PDE8B: variants seen among roughly 807,000 people sequenced by gnomAD.
PDE8B encodes high affinity cAMP-specific and IBMX-insensitive 3',5'-cyclic phosphodiesterase 8B.
PDE8B carries 26 observed loss-of-function variants against 101.3 expected under a neutral mutation model. The ratio of observed to expected loss-of-function variants is 0.26; its 90% CI spans 0.19 to 0.36. The LOEUF (loss-of-function observed/expected upper bound fraction) is 0.36. PDE8B is among the 10% of genes least tolerant of loss of function. The pLI is 1.00. For missense variants in PDE8B, 810 were observed against 1,163.1 expected, an observed-to-expected ratio of 0.70 and a Z score of 4.42; for synonymous variants, 424 against 429.3, an observed-to-expected ratio of 0.99 and a Z score of 0.15.
chr5:77,190,984 G>A, the PDE8B span, among the ~76,000 whole-genome samples: 1 of 152,192 alleles, frequency 6.6e-6, no homozygotes, highest in South Asian at 2.1e-4. Flanking sequence ...CAGTTCAGAA[G>A]GTTAGAAGTC....
the PDE8B span, among the ~76,000 whole-genome samples, chr5:77,168,087 A>G: frequency 2.0e-5 from 3 of 152,324 alleles, no homozygotes; most frequent in Admixed American, 6.5e-5. Context: ...CTCTGTTGGG[A>G]ACCAAGTGAT....
At chr5:77,093,723 A>G in the PDE8B span, among the ~76,000 whole-genome samples, 1 of 152,190 alleles carries the variant, frequency 6.6e-6, no homozygotes, top group African/African-American at 2.4e-5. Flanking sequence ...AAACAGATGC[A>G]TAAACTTCAT....
chr5:77,198,798 T>G, the PDE8B span, among the ~76,000 whole-genome samples: 4 of 152,094 alleles, frequency 2.6e-5, no homozygotes, highest in Admixed American at 2.6e-4. Context: ...AGGTTGCCAT[T>G]TCTGAAAATG....
rs182879149 is a variant in PDE8B, at chr5:77,292,762, A to G, written c.340-19232A>G. Among the ~76,000 whole-genome samples, 93 of 152,348 alleles carry G rather than the reference A, an allele frequency of 6.1e-4. 1 individual carries two copies. In the East Asian group the frequency reaches 0.017, roughly 28 times the overall value. The stretch of plus-strand genomic sequence containing the variant: ...AGTAGAGATTCAAAAAACTCTAATA[A>G]GGATGCCAATCCCTTTACTATCATA... On this transcript the variant is annotated intron_variant, in intron 1 of 21. Transcript: ENST00000264917.
intron 9 of PDE8B, 85 bp downstream of exon 9, chr5:77,351,238 C>A: frequency 2.0e-6 from 2 of 979,788 alleles, no homozygotes; most frequent in Non-Finnish European, 3.3e-6. Context: ...CCAGTATGAG[C>A]CTTACATCCA....
the PDE8B span, among the ~76,000 whole-genome samples, chr5:77,103,759 A>C: frequency 2.0e-5 from 3 of 152,196 alleles, no homozygotes; most frequent in African/African-American, 7.2e-5. Flanking sequence ...GACATCCTGC[A>C]TCTTGGATTC....
the PDE8B span, among the ~76,000 whole-genome samples, chr5:77,116,229 T>A: frequency 6.2e-3 from 234 of 37,484 alleles, no homozygotes; most frequent in African/African-American, 0.017. Flanking sequence ...TATATATTTT[T>A]TTTTTTTTTT....
chr5:77,291,371 C>G lies in PDE8B; in HGVS notation c.340-20623C>G, dbSNP rs921428585. 1.2e-5 allele frequency: 20 copies of G among 1,611,862 alleles called. No homozygotes were observed. In the Admixed American group the frequency reaches 3.2e-4, roughly 26 times the overall value. ...CAAAGAAAGAAGGTAGCACAGTGGT[C>G]TATGGGGGCAAGGTTATGGATCGCC... On this transcript the variant is annotated intron_variant, in intron 1 of 21. Coordinates refer to ENST00000264917, the MANE Select transcript of PDE8B (RefSeq NM_003719.5).
At chr5:77,107,863 G>A in the PDE8B span, among the ~76,000 whole-genome samples, 2 of 152,038 alleles carry the variant, frequency 1.3e-5, no homozygotes, top group African/African-American at 4.8e-5. Context: ...TCCTTTAGTA[G>A]TTGTATTCTA....
At chr5:77,172,129 A>G in the PDE8B span, among the ~76,000 whole-genome samples, 2 of 152,238 alleles carry the variant, frequency 1.3e-5, no homozygotes, top group African/African-American at 4.8e-5. Context: ...GGATAGATGA[A>G]TGCGTGGATG....
chr5:77,355,418 A>G (rs941796088), intron 10 of PDE8B, among the ~76,000 whole-genome samples: 1 of 152,184 alleles, frequency 6.6e-6, no homozygotes, highest in East Asian at 1.9e-4. Context: ...TGGCAATGGG[A>G]TCTGTGCTGG....
chr5:77,377,045 TGTAA>T (rs1286290369), intron 10 of PDE8B, among the ~76,000 whole-genome samples: 5 of 152,196 alleles, frequency 3.3e-5, no homozygotes, highest in South Asian at 2.1e-4. Flanking sequence ...CCTGTTTATA[TGTAA>T]GTGTCTGTCA....
At chr5:77,208,833 C>G (rs1305932760), upstream of PDE8B, among the ~76,000 whole-genome samples, 1 of 152,160 alleles carries the variant, frequency 6.6e-6, no homozygotes, top group African/African-American at 2.4e-5. Context: ...CTGGTCCATG[C>G]TGGGGTATAA....
rs1159073620 is a variant in PDE8B at position 77,373,947 on chromosome 5, T to C, written c.1167+20541T>C. ...TCACTGCAACCTCTGCCTCCCAGGT[T>C]CAAGCGATTCTCCTGCCTCAGCCTC... On this transcript the variant is annotated intron_variant, in intron 10 of 21. Coordinates refer to ENST00000264917, the MANE Select transcript of PDE8B (RefSeq NM_003719.5). 3.3e-5 allele frequency among the ~76,000 whole-genome samples: 5 copies of C among 152,204 alleles called. No individual in the cohort carries two copies. The South Asian group carries it at 6.2e-4, about 19-fold the overall frequency.
At chr5:77,208,780 A>C (rs568365543), upstream of PDE8B, among the ~76,000 whole-genome samples, 3 of 152,264 alleles carry the variant, frequency 2.0e-5, no homozygotes, top group East Asian at 5.8e-4. Flanking sequence ...AGCTGAAGAG[A>C]GCCACCTTGC....
At chr5:77,119,890 G>A in the PDE8B span, among the ~76,000 whole-genome samples, 13 of 152,074 alleles carry the variant, frequency 8.5e-5, no homozygotes, top group South Asian at 1.5e-3. Flanking sequence ...CACATCTGTA[G>A]TCCTAGCTAC....
At chr5:77,414,897 G>A (rs1422903534) in intron 17 of PDE8B, among the ~76,000 whole-genome samples, 1 of 152,112 alleles carries the variant, frequency 6.6e-6, no homozygotes, top group African/African-American at 2.4e-5. Flanking sequence ...GGAAAACATT[G>A]ATTAAATTTT....
intron 17 of PDE8B, among the ~76,000 whole-genome samples, chr5:77,414,844 G>A (rs1229132849): frequency 6.6e-6 from 1 of 152,158 alleles, no homozygotes; most frequent in Non-Finnish European, 1.5e-5. Flanking sequence ...AGCCTCTGCA[G>A]TCTTGAGTTA....
chr5:77,258,595 A>T (rs756482807), intron 1 of PDE8B, among the ~76,000 whole-genome samples: 4 of 152,222 alleles, frequency 2.6e-5, no homozygotes. Context: ...ATAGGATACC[A>T]TCAGGAAACA....
Sources: allele counts gnomAD v4.1 joint callset (sites outside exome capture counted in the v4.1 genomes callset), GRCh38; gene constraint gnomAD v4.1.1; transcripts MANE v1.5; gene names NCBI Gene and HGNC (gene_info 2026-07-23, HGNC 2026-07-21).